Variants in SIPA1L1 observed in about 807,000 individuals in gnomAD.
SIPA1L1 encodes signal-induced proliferation-associated 1-like protein 1.
Under a neutral mutation model 162.7 loss-of-function variants are expected in SIPA1L1, and 26 were observed. The ratio of observed to expected loss-of-function variants is 0.16; its 90% confidence interval spans 0.12 to 0.22. The LOEUF (loss-of-function observed/expected upper bound fraction) is 0.22, where lower values mean the gene tolerates loss of function less well. Ranked by LOEUF, SIPA1L1 falls within the 10% of genes least tolerant of loss-of-function variation. SIPA1L1 has a pLI of 1.00. For synonymous variants in SIPA1L1, 829 were observed against 837.4 expected, an observed-to-expected ratio of 0.99 and a Z score of 0.17; for missense variants, 1,874 against 2,241.0, an observed-to-expected ratio of 0.84 and a Z score of 3.31.
At chr14:71,723,117 C>T (rs944948068) in intron 17 of SIPA1L1, among the ~76,000 whole-genome samples, 7 of 152,226 alleles carry the variant, frequency 4.6e-5, no homozygotes, top group Non-Finnish European at 1.0e-4. Flanking sequence ...CAGCAGCTTC[C>T]AGAGCCAATA....
intron 15 of SIPA1L1, among the ~76,000 whole-genome samples, chr14:71,704,512 A>G (rs2082306321): frequency 6.6e-6 from 1 of 152,150 alleles, no homozygotes; most frequent in African/African-American, 2.4e-5. Flanking sequence ...TGAGAGTCAG[A>G]GTCAAGGAGT....
intron 2 of SIPA1L1, among the ~76,000 whole-genome samples, chr14:71,400,140 C>A (rs992324835): frequency 6.6e-6 from 1 of 152,040 alleles, no homozygotes; most frequent in African/African-American, 2.4e-5. Context: ...CAAGAACTCA[C>A]ATTTTAAAGG....
At chr14:71,489,013 G>A (rs1441911006) in intron 2 of SIPA1L1, among the ~76,000 whole-genome samples, 1 of 152,164 alleles carries the variant, frequency 6.6e-6, no homozygotes, top group Non-Finnish European at 1.5e-5. Context: ...TGTGGAAGAC[G>A]CCTGCTGCTA....
intron 4 of SIPA1L1, among the ~76,000 whole-genome samples, chr14:71,548,752 C>T (rs2055486684): frequency 6.6e-6 from 1 of 151,790 alleles, no homozygotes; most frequent in African/African-American, 2.4e-5. Flanking sequence ...CAACAACCAG[C>T]TGAGCGCAGG....
intron 5 of SIPA1L1, among the ~76,000 whole-genome samples, chr14:71,604,819 T>C (rs938166649): frequency 3.3e-5 from 5 of 152,186 alleles, no homozygotes; most frequent in Non-Finnish European, 7.3e-5. Context: ...CTTGCTATTT[T>C]TGTCTTTGGC....
chr14:71,638,327 A>G (rs773971559), intron 7 of SIPA1L1, among the ~76,000 whole-genome samples: 19 of 152,198 alleles, frequency 1.2e-4, no homozygotes, highest in Admixed American at 6.5e-5. Context: ...AAGTAGAAAA[A>G]AATTTTGTAG....
chr14:71,529,782 C>A (rs1048915961), intron 4 of SIPA1L1, among the ~76,000 whole-genome samples: 1 of 152,190 alleles, frequency 6.6e-6, no homozygotes, highest in African/African-American at 2.4e-5. Flanking sequence ...CTGAGTGTTA[C>A]CTGGCCAGGG....
At chr14:71,324,278 G>A (rs948839882) in intron 2 of SIPA1L1, among the ~76,000 whole-genome samples, 2 of 152,232 alleles carry the variant, frequency 1.3e-5, no homozygotes, top group African/African-American at 4.8e-5. Flanking sequence ...TTTTACGTAT[G>A]AGGAAACTGA....
intron 2 of SIPA1L1, among the ~76,000 whole-genome samples, chr14:71,507,482 G>T (rs970854171): frequency 2.6e-5 from 4 of 152,146 alleles, no homozygotes; most frequent in Admixed American, 2.6e-4. Context: ...GGGTAGTTTA[G>T]ACTTGAATTT....
intron 17 of SIPA1L1, among the ~76,000 whole-genome samples, chr14:71,720,736 C>A (rs572067410): frequency 6.6e-6 from 1 of 151,954 alleles, no homozygotes; most frequent in Non-Finnish European, 1.5e-5. Context: ...GAAACTGATA[C>A]ATTTTTCACT....
At chr14:71,561,012 A>G (rs374349880) in intron 4 of SIPA1L1, among the ~76,000 whole-genome samples, 10 of 152,350 alleles carry the variant, frequency 6.6e-5, no homozygotes, top group African/African-American at 2.4e-4. Flanking sequence ...ATAACACTCT[A>G]AAATTGAAAT....
intron 2 of SIPA1L1, among the ~76,000 whole-genome samples, chr14:71,463,944 T>G (rs370878221): frequency 2.6e-5 from 4 of 152,236 alleles, no homozygotes; most frequent in African/African-American, 9.6e-5. Context: ...GGTTGAGTGC[T>G]GCCACTTAGT....
intron 6 of SIPA1L1, among the ~76,000 whole-genome samples, chr14:71,619,831 G>A (rs911329319): frequency 5.9e-5 from 9 of 152,286 alleles, no homozygotes; most frequent in African/African-American, 2.2e-4. Context: ...GAACTCCGGG[G>A]AAATTAAATA....
chr14:71,608,124 G>C lies in SIPA1L1; in HGVS notation c.1499-10633G>C, dbSNP rs141535230. On this transcript the variant is annotated intron_variant, in intron 5 of 23. Coordinates refer to ENST00000381232, the MANE Select transcript of SIPA1L1 (RefSeq NM_001386936.1). ...CCATTAATGTGAGCATCAAGGCAAT[G>C]AGAGGAGACATCTTCCTATTTGCAT... Among the ~76,000 whole-genome samples, 99 of 152,348 alleles carry C rather than the reference G, an allele frequency of 6.5e-4. No homozygotes were observed. The East Asian group carries it at 0.016, about 25-fold the overall frequency.
At chr14:71,340,308 G>A (rs1476952517) in intron 2 of SIPA1L1, among the ~76,000 whole-genome samples, 1 of 151,436 alleles carries the variant, frequency 6.6e-6, no homozygotes, top group African/African-American at 2.4e-5. Flanking sequence ...CCCATTTGGT[G>A]GTTTCTTTTT....
At chr14:71,671,723 A>G (rs780703237) in intron 11 of SIPA1L1, 31 bp downstream of exon 11, 6 of 1,508,458 alleles carry the variant, frequency 4.0e-6, no homozygotes, top group East Asian at 4.5e-5. Context: ...CCTTACATGC[A>G]GTTTCTCTTT....
intron 7 of SIPA1L1, among the ~76,000 whole-genome samples, chr14:71,633,568 C>T (rs189975443): frequency 6.2e-4 from 95 of 152,264 alleles, no homozygotes; most frequent in Admixed American, 1.5e-3. Flanking sequence ...AAAAATAGAA[C>T]AGTCAAAATG....
intron 7 of SIPA1L1, among the ~76,000 whole-genome samples, chr14:71,634,182 C>T (rs1003883858): frequency 3.3e-5 from 5 of 151,754 alleles, no homozygotes; most frequent in African/African-American, 1.2e-4. Context: ...AGGTGGATCA[C>T]CTGAGGTTGG....
intron 2 of SIPA1L1, among the ~76,000 whole-genome samples, chr14:71,370,102 C>T (rs1187416597): frequency 7.2e-6 from 1 of 138,180 alleles, no homozygotes; most frequent in African/African-American, 2.7e-5. Flanking sequence ...ATCATGTCGT[C>T]TGCAAACAGG....
Sources: allele counts gnomAD v4.1 joint callset (sites outside exome capture counted in the v4.1 genomes callset), GRCh38; gene constraint gnomAD v4.1.1; transcripts MANE v1.5; gene names NCBI Gene and HGNC (gene_info 2026-07-23, HGNC 2026-07-21).